The following MAP7 variants were observed in gnomAD, a reference collection of about 807,000 sequenced individuals.
MAP7 encodes microtubule associated protein 7, also known as ensconsin.
In MAP7, 52 loss-of-function variants were observed where a neutral mutation model predicts 94.8. The observed-to-expected ratio is 0.55, with a 90% CI of 0.44 to 0.69. The LOEUF (loss-of-function observed/expected upper bound fraction) is 0.69, where lower values mean the gene tolerates loss of function less well. Ranked by LOEUF, MAP7 falls within the 30% of genes least tolerant of loss-of-function variation. MAP7 has a pLI of 0.00. For synonymous variants in MAP7, 350 were observed against 357.0 expected, an observed-to-expected ratio of 0.98 and a Z score of 0.22; for missense variants, 940 against 964.6, an observed-to-expected ratio of 0.97 and a Z score of 0.34.
At chr6:136,410,656 C>A (rs1787161973) in intron 3 of MAP7, among the ~76,000 whole-genome samples, 1 of 152,170 alleles carries the variant, frequency 6.6e-6, no homozygotes, top group Non-Finnish European at 1.5e-5. Flanking sequence ...GGGACAGAAA[C>A]AAGTCTGAGT....
At chr6:136,432,817 C>T (rs1363356161) in intron 1 of MAP7, among the ~76,000 whole-genome samples, 1 of 152,090 alleles carries the variant, frequency 6.6e-6, no homozygotes, top group Non-Finnish European at 1.5e-5. Context: ...TTCCATACTA[C>T]AGAAAGAATA....
intron 1 of MAP7, chr6:136,466,905 A>G (rs1807312794): frequency 2.0e-6 from 3 of 1,500,336 alleles, no homozygotes; most frequent in African/African-American, 2.8e-5. Context: ...CATGCTAACT[A>G]TTATCTCTCA....
At position 136,365,913 on chromosome 6, in the gene MAP7, G is replaced by T. The variant is rs1455880210; in HGVS notation, c.1095C>A (p.Ser365=). The change falls in exon 10 of 18, where the codon TCC becomes TCA. Residue 365 remains serine, a synonymous_variant. Coordinates refer to ENST00000354570, the MANE Select transcript of MAP7 (RefSeq NM_003980.6). ...KAAPAQVRPP[S]PGNIRPVKRE... Reference sequence around the variant, plus strand: ...TCTTGACAGGGCGGATGTTGCCGGGGGATGGGGGCCGGACCTGAGCAGGAG... The same window carrying T: ...TCTTGACAGGGCGGATGTTGCCGGGTGATGGGGGCCGGACCTGAGCAGGAG... The T allele has an allele frequency of 1.9e-6, 3 of 1,614,158 alleles. No homozygotes were observed. Among genetic ancestry groups the T allele is most frequent in the Non-Finnish European group, 2.5e-6 (3 of 1,180,030 alleles).
At chr6:136,518,950 T>G (rs1825638745) in intron 1 of MAP7, among the ~76,000 whole-genome samples, 1 of 152,252 alleles carries the variant, frequency 6.6e-6, no homozygotes. Flanking sequence ...CTTTTAGTTT[T>G]ATATAGCAAG....
At chr6:136,482,884 T>TA (rs1303821200) in intron 1 of MAP7, among the ~76,000 whole-genome samples, 5 of 151,654 alleles carry the variant, frequency 3.3e-5, no homozygotes, top group African/African-American at 9.7e-5. Flanking sequence ...CTTGGTCAAC[T>TA]AAAAAAAATA....
At chr6:136,402,501 C>A (rs529703900) in intron 3 of MAP7, among the ~76,000 whole-genome samples, 2 of 152,246 alleles carry the variant, frequency 1.3e-5, no homozygotes, top group East Asian at 1.9e-4. Context: ...CCCATTTCAC[C>A]CTGTCACTGC....
chr6:136,427,801 C>A (rs1253857640), intron 1 of MAP7, among the ~76,000 whole-genome samples: 1 of 152,232 alleles, frequency 6.6e-6, no homozygotes, highest in Non-Finnish European at 1.5e-5. Context: ...TAGACTTCAG[C>A]AGAGCATAGT....
At chr6:136,413,072 G>T (rs761006796) in intron 2 of MAP7, among the ~76,000 whole-genome samples, 14 of 152,300 alleles carry the variant, frequency 9.2e-5, no homozygotes, top group Admixed American at 2.6e-4. Flanking sequence ...TGAGGCAGGA[G>T]AACGGCTTGA....
chr6:136,421,011 C>T (rs763659034), intron 2 of MAP7, among the ~76,000 whole-genome samples: 1 of 152,154 alleles, frequency 6.6e-6, no homozygotes, highest in Non-Finnish European at 1.5e-5. Flanking sequence ...TGATTGTCTC[C>T]TGTTATCATA....
chr6:136,459,869 A>T (rs1804605186), intron 1 of MAP7, among the ~76,000 whole-genome samples: 1 of 152,284 alleles, frequency 6.6e-6, no homozygotes, highest in South Asian at 2.1e-4. Context: ...CGTACACTTT[A>T]ATATTTAAGA....
chr6:136,433,604 G>A lies in MAP7; in HGVS notation c.68-11805C>T, dbSNP rs577084291. Among the ~76,000 whole-genome samples the A allele has an allele frequency of 2.6e-5, 4 of 152,306 alleles. No homozygotes were observed. The East Asian group carries it at 5.8e-4, about 22-fold the overall frequency. On this transcript the variant is annotated intron_variant, in intron 1 of 17. Transcript: ENST00000354570. ...AAACCTTCAAGAAGCCACGCTATTC[G>A]GATTGGATCAGAGGCTTAAAAGCAA...
intron 1 of MAP7, among the ~76,000 whole-genome samples, chr6:136,450,010 C>T (rs577483119): frequency 1.3e-5 from 2 of 152,118 alleles, no homozygotes; most frequent in East Asian, 1.9e-4. Flanking sequence ...ACCAACATGG[C>T]GAAACCTTGT....
chr6:136,510,402 A>G (rs1822908536), intron 1 of MAP7, among the ~76,000 whole-genome samples: 1 of 152,196 alleles, frequency 6.6e-6, no homozygotes, highest in African/African-American at 2.4e-5. Context: ...CCCAGGCATC[A>G]TTGCAAGTGC....
At chr6:136,347,006 T>A (rs992216661) in intron 16 of MAP7, among the ~76,000 whole-genome samples, 1 of 152,230 alleles carries the variant, frequency 6.6e-6, no homozygotes, top group African/African-American at 2.4e-5. Context: ...CTCATCTTGA[T>A]CCTTATGAAT....
intron 1 of MAP7, among the ~76,000 whole-genome samples, chr6:136,448,475 C>A (rs1389471133): frequency 6.6e-6 from 1 of 150,660 alleles, no homozygotes; most frequent in African/African-American, 2.4e-5. Flanking sequence ...AGTGCAGTGG[C>A]GCAATCTCAG....
intron 3 of MAP7, among the ~76,000 whole-genome samples, chr6:136,391,241 A>G (rs886239987): frequency 6.6e-6 from 1 of 151,320 alleles, no homozygotes; most frequent in South Asian, 2.1e-4. Context: ...ATGAGTTCAT[A>G]TCCTTTGTAG....
rs1827692114 is a variant in MAP7 at position 136,525,908 on chromosome 6, C to A, written c.67+24434G>T. Reference sequence around the variant, plus strand: ...TGGTGAATAAACCAAGAGGAATTGGCCTTGCATTGGTCTTCTTCAGTCTCT... The same window carrying A: ...TGGTGAATAAACCAAGAGGAATTGGACTTGCATTGGTCTTCTTCAGTCTCT... On this transcript the variant is annotated intron_variant, in intron 1 of 17. Transcript: ENST00000354570. The A allele has an allele frequency of 6.5e-7, 1 of 1,535,130 alleles. No homozygotes were observed. Among genetic ancestry groups the A allele is most frequent in the Non-Finnish European group, 8.7e-7 (1 of 1,146,652 alleles).
chr6:136,399,192 G>C (rs1783357285), intron 3 of MAP7, among the ~76,000 whole-genome samples: 1 of 152,146 alleles, frequency 6.6e-6, no homozygotes, highest in Non-Finnish European at 1.5e-5. Context: ...TACTAATTCT[G>C]TGTGATCTTG....
chr6:136,525,225 C>T (rs1827495077), intron 1 of MAP7, among the ~76,000 whole-genome samples: 1 of 152,178 alleles, frequency 6.6e-6, no homozygotes, highest in African/African-American at 2.4e-5. Flanking sequence ...CTGCCATACA[C>T]GAATTCAGTT....
Sources: allele counts gnomAD v4.1 joint callset (sites outside exome capture counted in the v4.1 genomes callset), GRCh38; gene constraint gnomAD v4.1.1; transcripts MANE v1.5; gene names NCBI Gene and HGNC (gene_info 2026-07-23, HGNC 2026-07-21).